ARHGAP26: variants seen among roughly 807,000 people sequenced by gnomAD.
ARHGAP26 encodes the protein rho GTPase-activating protein 26.
In ARHGAP26, 38 loss-of-function variants were observed where a neutral mutation model predicts 104.8. The ratio of observed to expected loss-of-function variants is 0.36; its 90% CI spans 0.28 to 0.48. ARHGAP26 has a LOEUF of 0.48. ARHGAP26 is among the 20% of genes least tolerant of loss of function. ARHGAP26 has a pLI of 0.99. For missense variants in ARHGAP26, 704 were observed against 947.9 expected (o/e 0.74, Z 3.38); for synonymous variants, 341 against 340.0 (o/e 1.00, Z -0.03).
intron 6 of ARHGAP26, among the ~76,000 whole-genome samples, chr5:142,900,539 T>G (rs1276532978): frequency 6.9e-6 from 1 of 144,628 alleles, no homozygotes; most frequent in East Asian, 2.0e-4. Context: ...GCCTGCCCTC[T>G]GAGTTTAGGT....
chr5:143,161,290 G>A (rs913247917), intron 20 of ARHGAP26, among the ~76,000 whole-genome samples: 7 of 152,050 alleles, frequency 4.6e-5, no homozygotes, highest in African/African-American at 1.7e-4. Flanking sequence ...GGGATTACAG[G>A]CATGAGCCAC....
At chr5:143,090,352 G>A (rs979534177) in intron 17 of ARHGAP26, among the ~76,000 whole-genome samples, 2 of 152,240 alleles carry the variant, frequency 1.3e-5, no homozygotes, top group African/African-American at 4.8e-5. Context: ...TTTAACGTGT[G>A]AATGGAATAT....
At chr5:143,060,956 G>T (rs987840129) in intron 17 of ARHGAP26, among the ~76,000 whole-genome samples, 8 of 152,170 alleles carry the variant, frequency 5.3e-5, no homozygotes, top group Admixed American at 2.0e-4. Context: ...GTTCAAAAGG[G>T]AGATTTTATT....
chr5:143,094,513 T>C (rs1440414482), intron 17 of ARHGAP26, among the ~76,000 whole-genome samples: 1 of 152,352 alleles, frequency 6.6e-6, no homozygotes, highest in Admixed American at 6.5e-5. Context: ...CTAATTGTTA[T>C]ATGTAAAGTT....
At chr5:143,173,498 G>C (rs980320600) in intron 20 of ARHGAP26, among the ~76,000 whole-genome samples, 2 of 152,220 alleles carry the variant, frequency 1.3e-5, no homozygotes, top group African/African-American at 2.4e-5. Flanking sequence ...AAACGAAGTG[G>C]CTTTGCATTG....
At chr5:142,838,491 A>G (rs1437717918) in intron 1 of ARHGAP26, among the ~76,000 whole-genome samples, 2 of 152,238 alleles carry the variant, frequency 1.3e-5, no homozygotes, top group South Asian at 2.1e-4. Flanking sequence ...AACCTGGGAT[A>G]GAATCTAGGT....
At chr5:143,169,134 C>T (rs1375103575) in intron 20 of ARHGAP26, among the ~76,000 whole-genome samples, 1 of 152,216 alleles carries the variant, frequency 6.6e-6, no homozygotes, top group Non-Finnish European at 1.5e-5. Flanking sequence ...AGGAGCTATT[C>T]CTGTCTTCCT....
intron 22 of ARHGAP26, among the ~76,000 whole-genome samples, chr5:143,217,300 G>C (rs906951084): frequency 1.3e-5 from 2 of 152,088 alleles, no homozygotes; most frequent in Admixed American, 1.3e-4. Context: ...TCAGCTCATG[G>C]GCTTTGTGCA....
chr5:143,223,549 C>T lies in ARHGAP26; in HGVS notation c.*1103C>T, dbSNP rs182602870. ...CCCATTCACCCATCTCTGCTCCCACCCTTGCCTGCCTCTAACCCACCACTG... is the reference window on the plus strand; with the variant it reads ...CCCATTCACCCATCTCTGCTCCCACTCTTGCCTGCCTCTAACCCACCACTG... On this transcript the variant is annotated 3_prime_UTR_variant, in exon 23 of 23. Transcript: ENST00000645722. 521 of 232,392 alleles carry T rather than the reference C, an allele frequency of 2.2e-3. 2 individuals are homozygous for T. The highest frequency in any genetic ancestry group is 0.01 in the African/African-American group (471 of 45,386). 14.4% of individuals were successfully genotyped at this position (232,392 alleles called of 1,614,324 possible). A position where few individuals can be genotyped will look rare whatever the true frequency, so the allele number is the denominator to read the frequency against.
At chr5:142,813,496 T>G (rs55961768) in intron 1 of ARHGAP26, among the ~76,000 whole-genome samples, 45,237 of 152,078 alleles carry the variant, frequency 0.3, 9,213 homozygotes, top group African/African-American at 0.56. Context: ...GTATTAATCT[T>G]CTAGGGCTAC....
At chr5:143,030,110 C>T (rs923000924) in intron 12 of ARHGAP26, among the ~76,000 whole-genome samples, 1 of 152,116 alleles carries the variant, frequency 6.6e-6, no homozygotes, top group African/African-American at 2.4e-5. Flanking sequence ...CACTTCTTGC[C>T]AAATTTCTTG....
chr5:142,842,289 G>C (rs1027669196), intron 1 of ARHGAP26, among the ~76,000 whole-genome samples: 1 of 152,140 alleles, frequency 6.6e-6, no homozygotes, highest in Admixed American at 6.5e-5. Flanking sequence ...TTCTGAAGCG[G>C]CATGTTTCTT....
At chr5:143,150,658 C>T (rs1158467769) in intron 20 of ARHGAP26, among the ~76,000 whole-genome samples, 8 of 152,312 alleles carry the variant, frequency 5.3e-5, no homozygotes, top group African/African-American at 1.7e-4. Context: ...TTGAACAAAC[C>T]TTTAAAATCA....
At chr5:143,178,579 T>C (rs1803842394) in intron 20 of ARHGAP26, among the ~76,000 whole-genome samples, 1 of 152,148 alleles carries the variant, frequency 6.6e-6, no homozygotes, top group African/African-American at 2.4e-5. Flanking sequence ...CTTGACTGGC[T>C]TAGGTGCCAC....
chr5:143,228,983 T>TTGG lies in ARHGAP26; in HGVS notation c.*6537_*6538insTGG. 1 of 182,224 alleles carries TTGG rather than the reference T, an allele frequency of 5.5e-6. No homozygotes were observed. Among genetic ancestry groups the TTGG allele is most frequent in the Non-Finnish European group, 1.2e-5 (1 of 85,450 alleles). The allele number at this position is 182,224 out of a possible 1,614,324, so 11.3% of individuals were successfully genotyped here. ...ATGAGTGGACGTATGATTTTTGAAT[T>TTGG]AAATGACTTTTCCATTTGGTGGTAT... is the stretch of plus-strand genomic sequence containing the variant. On this transcript the variant is annotated 3_prime_UTR_variant, in exon 23 of 23. Coordinates refer to ENST00000645722, the MANE Select transcript of ARHGAP26 (RefSeq NM_001135608.3).
chr5:143,110,820 C>G (rs1562445207), intron 17 of ARHGAP26, among the ~76,000 whole-genome samples: 2 of 152,166 alleles, frequency 1.3e-5, no homozygotes, highest in African/African-American at 4.8e-5. Flanking sequence ...GCTGCTCTTC[C>G]CCATCTGCAC....
chr5:143,022,687 C>G (rs571935963), intron 12 of ARHGAP26, among the ~76,000 whole-genome samples: 1 of 152,198 alleles, frequency 6.6e-6, no homozygotes, highest in Non-Finnish European at 1.5e-5. Context: ...AAGTGTCACA[C>G]GATGGGCTGC....
intron 20 of ARHGAP26, among the ~76,000 whole-genome samples, chr5:143,171,272 T>G (rs1802729940): frequency 6.6e-6 from 1 of 152,140 alleles, no homozygotes; most frequent in Non-Finnish European, 1.5e-5. Flanking sequence ...GGGGATAAAG[T>G]GACTTCCCCA....
intron 17 of ARHGAP26, among the ~76,000 whole-genome samples, chr5:143,107,484 A>G (rs1265081346): frequency 6.6e-6 from 1 of 152,212 alleles, no homozygotes; most frequent in African/African-American, 2.4e-5. Context: ...CTCAGCTGCC[A>G]TCAGCTTGGC....
Sources: allele counts gnomAD v4.1 joint callset (sites outside exome capture counted in the v4.1 genomes callset), GRCh38; gene constraint gnomAD v4.1.1; transcripts MANE v1.5; gene names NCBI Gene and HGNC (gene_info 2026-07-23, HGNC 2026-07-21).